KCND2: variants seen among roughly 807,000 people sequenced by gnomAD.
The protein encoded by KCND2 is potassium voltage-gated channel subfamily D member 2, also known as A-type voltage-gated potassium channel KCND2.
In KCND2, 16 loss-of-function variants were observed where a neutral mutation model predicts 54.4. That is an observed-to-expected ratio of 0.29 (90% confidence interval 0.20 to 0.45). The LOEUF (loss-of-function observed/expected upper bound fraction) is 0.45. KCND2 is among the 20% of genes least tolerant of loss of function. KCND2 has a pLI of 1.00. For missense variants in KCND2, 486 were observed against 824.2 expected (o/e 0.59, Z 5.02); for synonymous variants, 317 against 310.7 (o/e 1.02, Z -0.21).
intron 1 of KCND2, among the ~76,000 whole-genome samples, chr7:120,530,675 G>A (rs976457901): frequency 6.6e-6 from 1 of 151,824 alleles, no homozygotes; most frequent in Non-Finnish European, 1.5e-5. Context: ...ATCATCAAAC[G>A]CAACATGTCC....
At chr7:120,700,152 C>A (rs1406389075) in intron 1 of KCND2, among the ~76,000 whole-genome samples, 2 of 151,976 alleles carry the variant, frequency 1.3e-5, no homozygotes, top group East Asian at 3.8e-4. Context: ...TTAGAGTAAT[C>A]TTTTACAAAG....
At chr7:120,336,703 A>G (rs955746697) in intron 1 of KCND2, among the ~76,000 whole-genome samples, 1 of 152,118 alleles carries the variant, frequency 6.6e-6, no homozygotes, top group Non-Finnish European at 1.5e-5. Flanking sequence ...TAATGGTAGA[A>G]GCCCAAAAGA....
At chr7:120,577,680 G>A (rs961210172) in intron 1 of KCND2, among the ~76,000 whole-genome samples, 2 of 152,134 alleles carry the variant, frequency 1.3e-5, no homozygotes, top group African/African-American at 4.8e-5. Context: ...CCGCCTCCGG[G>A]GTTCACACAA....
At chr7:120,389,212 C>G (rs1165305303) in intron 1 of KCND2, among the ~76,000 whole-genome samples, 1 of 151,786 alleles carries the variant, frequency 6.6e-6, no homozygotes, top group Non-Finnish European at 1.5e-5. Context: ...CATAATTTAG[C>G]AATTATTTAC....
At chr7:120,432,669 G>T (rs1191877033) in intron 1 of KCND2, among the ~76,000 whole-genome samples, 2 of 151,982 alleles carry the variant, frequency 1.3e-5, no homozygotes, top group Non-Finnish European at 2.9e-5. Context: ...TTTTGAGATG[G>T]AGTCTCACTC....
chr7:120,378,932 T>C (rs1800874533), intron 1 of KCND2, among the ~76,000 whole-genome samples: 1 of 152,042 alleles, frequency 6.6e-6, no homozygotes, highest in South Asian at 2.1e-4. Context: ...GCTGGAAATT[T>C]ATATGCATGT....
chr7:120,693,352 T>C (rs922073604), intron 1 of KCND2, among the ~76,000 whole-genome samples: 2 of 152,212 alleles, frequency 1.3e-5, no homozygotes, highest in Non-Finnish European at 2.9e-5. Flanking sequence ...CATGCACTGC[T>C]TTGATTAATG....
At position 120,686,219 on chromosome 7, in the gene KCND2, G is replaced by T. The variant is rs989589124; in HGVS notation, c.1116-46684G>T. Among the ~76,000 whole-genome samples, 4 of 152,160 alleles carry T rather than the reference G, an allele frequency of 2.6e-5. No homozygotes were observed. In the East Asian group the frequency reaches 7.7e-4, roughly 29 times the overall value. ...TGTGAACAATGCTGAAATGAACATG[G>T]GAGTGCAGATATCTCTTAGAGATCC... On this transcript the variant is annotated intron_variant, in intron 1 of 5. Transcript: ENST00000331113.
Position 120,714,174 on chromosome 7 carries a change from C to T in KCND2, c.1116-18729C>T, listed in dbSNP as rs190525592. Among the ~76,000 whole-genome samples, 16 of 152,138 alleles carry T rather than the reference C, an allele frequency of 1.1e-4. No individual in the cohort carries two copies. The East Asian group carries it at 3.1e-3, about 29-fold the overall frequency. On this transcript the variant is annotated intron_variant, in intron 1 of 5. Coordinates refer to ENST00000331113, the MANE Select transcript of KCND2 (RefSeq NM_012281.3). ...GTGCCTCAGTCTCCCTTAAGAAGCT[C>T]GCTTATTTTCTTCCTAAAGTAAACA...
intron 1 of KCND2, among the ~76,000 whole-genome samples, chr7:120,305,316 G>T (rs1398961770): frequency 6.6e-6 from 1 of 151,964 alleles, no homozygotes; most frequent in Non-Finnish European, 1.5e-5. Flanking sequence ...TTTCTTGTGG[G>T]CCTAGCTATG....
At chr7:120,637,021 C>G (rs1037177817) in intron 1 of KCND2, among the ~76,000 whole-genome samples, 1 of 152,096 alleles carries the variant, frequency 6.6e-6, no homozygotes, top group Non-Finnish European at 1.5e-5. Context: ...CATCCAGGCT[C>G]AAGGTCCACG....
chr7:120,458,054 G>A (rs935367431), intron 1 of KCND2, among the ~76,000 whole-genome samples: 3 of 152,120 alleles, frequency 2.0e-5, no homozygotes, highest in African/African-American at 7.2e-5. Context: ...AAAACCATCA[G>A]ATCTCATGAG....
intron 1 of KCND2, among the ~76,000 whole-genome samples, chr7:120,489,056 G>GT (rs910718293): frequency 2.0e-5 from 3 of 151,998 alleles, no homozygotes; most frequent in African/African-American, 4.8e-5. Flanking sequence ...AATAAATTTA[G>GT]TTTTTTTGTG....
At chr7:120,437,805 CA>C (rs1354944455) in intron 1 of KCND2, among the ~76,000 whole-genome samples, 2 of 152,262 alleles carry the variant, frequency 1.3e-5, no homozygotes, top group East Asian at 3.9e-4. Flanking sequence ...ACATCAGCAT[CA>C]CAACAGAATG....
intron 1 of KCND2, among the ~76,000 whole-genome samples, chr7:120,397,993 GTGTATATA>G (rs1236652722): frequency 0.032 from 1,254 of 39,732 alleles, 17 homozygotes; most frequent in African/African-American, 0.058. Context: ...GTGTGTGTGT[GTGTATATA>G]TATATATATA....
intron 1 of KCND2, among the ~76,000 whole-genome samples, chr7:120,630,704 A>G (rs1377029594): frequency 6.6e-6 from 1 of 152,182 alleles, no homozygotes; most frequent in Non-Finnish European, 1.5e-5. Flanking sequence ...CAGAATTGTG[A>G]TATCTCGCTT....
At chr7:120,686,296 T>C (rs1321462829) in intron 1 of KCND2, among the ~76,000 whole-genome samples, 2 of 152,186 alleles carry the variant, frequency 1.3e-5, no homozygotes, top group African/African-American at 4.8e-5. Flanking sequence ...TGCTGTATCA[T>C]AGTGGAGTTC....
chr7:120,649,795 T>C (rs1282525275), intron 1 of KCND2, among the ~76,000 whole-genome samples: 4 of 152,206 alleles, frequency 2.6e-5, no homozygotes, highest in Non-Finnish European at 1.5e-5. Flanking sequence ...TCAGGAGCTC[T>C]TGTAGGGCAG....
intron 1 of KCND2, among the ~76,000 whole-genome samples, chr7:120,458,619 A>T (rs1233283339): frequency 6.6e-6 from 1 of 152,176 alleles, no homozygotes; most frequent in Non-Finnish European, 1.5e-5. Context: ...GGGCTATGAA[A>T]ATATAAAAAG....
Sources: gnomAD v4.1 joint callset for allele counts (sites outside exome capture counted in the v4.1 genomes callset) on GRCh38, gnomAD v4.1.1 for gene constraint, MANE v1.5 for transcripts, NCBI Gene and HGNC (gene_info 2026-07-23, HGNC 2026-07-21) for gene names.